ZC3H3: variants seen among roughly 807,000 people sequenced by gnomAD.
ZC3H3 encodes the protein zinc finger CCCH domain-containing protein 3.
ZC3H3 carries 36 observed loss-of-function variants against 77.3 expected under a neutral mutation model. The ratio of observed to expected loss-of-function variants is 0.47; its 90% confidence interval spans 0.36 to 0.61. The LOEUF is 0.61. Ranked by LOEUF, ZC3H3 falls within the 20% of genes least tolerant of loss-of-function variation. ZC3H3 has a pLI of 0.00. For synonymous variants in ZC3H3, 626 were observed against 555.2 expected (o/e 1.13, Z -1.79); for missense variants, 1,331 against 1,312.2 (o/e 1.01, Z -0.22).
intron 3 of ZC3H3, among the ~76,000 whole-genome samples, chr8:143,535,015 G>A (rs1822748401): frequency 6.6e-6 from 1 of 151,890 alleles, no homozygotes; most frequent in South Asian, 2.1e-4. Flanking sequence ...AGAGCCGTCT[G>A]AAGCCTCCCT....
chr8:143,506,908 G>T (rs1039538399), intron 4 of ZC3H3, among the ~76,000 whole-genome samples: 3 of 152,154 alleles, frequency 2.0e-5, no homozygotes, highest in African/African-American at 7.2e-5. Context: ...CGTGCCCTGG[G>T]CCGTGGCTGC....
chr8:143,536,558 A>G (rs1822806666), intron 2 of ZC3H3, 105 bp from the exon 3 acceptor site: 1 of 1,235,026 alleles, frequency 8.1e-7, no homozygotes, highest in Non-Finnish European at 1.1e-6. Context: ...CCTGAAGGCC[A>G]GGACCAGGCC....
In ZC3H3 at chr8:143,538,528, C is replaced by A. The variant is rs1286315976; in HGVS notation, c.839G>T (p.Gly280Val). 6.2e-7 allele frequency: 1 copy of A among 1,612,128 alleles called. No homozygotes were observed. The highest frequency in any genetic ancestry group is 1.7e-5 in the Admixed American group (1 of 60,012). The change falls in exon 2 of 12, where the codon GGG (glycine) becomes GTG (valine). Residue 280 changes from glycine (G) to valine (V), a missense_variant. Physicochemically the swap from Gly to Val is moderately radical, Grantham distance 109. Around this residue, in one of 3 missense-constraint regions of ZC3H3, gnomAD observed 978 missense variants for 915.5 expected, o/e 1.07. Coordinates refer to ENST00000262577, the MANE Select transcript of ZC3H3 (RefSeq NM_015117.3). ...TDQPVPSGSV[G>V]GPARPASGPR... is the part of the protein sequence containing the mutation. ...TCCTGAGGCCGGTCTGGCGGGGCCC[C>A]CCACTGAGCCAGACGGAACTGGCTG...
At chr8:143,442,959 C>T (rs1175497231) in intron 9 of ZC3H3, among the ~76,000 whole-genome samples, 1 of 152,146 alleles carries the variant, frequency 6.6e-6, no homozygotes, top group Non-Finnish European at 1.5e-5. Flanking sequence ...CAGAACACAA[C>T]CAAATCCCGA....
At position 143,507,735 on chromosome 8, in the gene ZC3H3, A is replaced by T. The variant is rs780710830; in HGVS notation, c.1715+11T>A. ...CCCAGGCCTGCAGGAGCCTGCAGGA[A>T]GCCTTCCTACCTGGATAGTGAGAGC... On this transcript the variant is annotated intron_variant, in intron 4 of 11. Coordinates refer to ENST00000262577, the MANE Select transcript of ZC3H3 (RefSeq NM_015117.3). 6.4e-7 allele frequency: 1 copy of T among 1,552,008 alleles called. No homozygotes were observed. Among genetic ancestry groups the T allele is most frequent in the Non-Finnish European group, 8.7e-7 (1 of 1,149,462 alleles).
At chr8:143,508,950 A>C (rs917263918) in intron 3 of ZC3H3, among the ~76,000 whole-genome samples, 1 of 152,026 alleles carries the variant, frequency 6.6e-6, no homozygotes, top group African/African-American at 2.4e-5. Context: ...AGAGCCCTAA[A>C]CGCAACGGAC....
chr8:143,517,968 G>C (rs1453677959), intron 3 of ZC3H3, among the ~76,000 whole-genome samples: 3 of 152,212 alleles, frequency 2.0e-5, no homozygotes, highest in African/African-American at 4.8e-5. Flanking sequence ...CTCTGAGTGA[G>C]GCACGGCCAA....
intron 4 of ZC3H3, among the ~76,000 whole-genome samples, chr8:143,499,440 C>T (rs1821458951): frequency 1.3e-5 from 2 of 152,280 alleles, no homozygotes; most frequent in Admixed American, 6.5e-5. Context: ...CCCCTCTGTC[C>T]TGAGTGGGCA....
intron 9 of ZC3H3, among the ~76,000 whole-genome samples, 195 bp from the exon 10 acceptor site, chr8:143,441,315 C>A (rs893968587): frequency 6.6e-6 from 1 of 152,204 alleles, no homozygotes; most frequent in Non-Finnish European, 1.5e-5. Flanking sequence ...GGCCCTCACC[C>A]ACCCACAAGA....
chr8:143,527,946 C>A (rs888076609), intron 3 of ZC3H3, among the ~76,000 whole-genome samples: 1 of 152,260 alleles, frequency 6.6e-6, no homozygotes, highest in African/African-American at 2.4e-5. Flanking sequence ...CCAGGCCACG[C>A]CCACACCACG....
At chr8:143,540,387 C>T (rs926102123) in intron 1 of ZC3H3, among the ~76,000 whole-genome samples, 1 of 152,136 alleles carries the variant, frequency 6.6e-6, no homozygotes, top group African/African-American at 2.4e-5. Context: ...CCACCACGCC[C>T]ATCTCACTTT....
chr8:143,440,377 A>T lies in ZC3H3; in HGVS notation c.2493-14T>A, dbSNP rs868123841. 2 of 1,516,904 alleles carry T rather than the reference A, an allele frequency of 1.3e-6. No homozygotes were observed. Among genetic ancestry groups the T allele is most frequent in the Non-Finnish European group, 8.8e-7 (1 of 1,132,016 alleles). The allele number at this position is 1,516,904 out of a possible 1,614,324, so 94.0% of individuals were successfully genotyped here. A position where few individuals can be genotyped will look rare whatever the true frequency, so the allele number is the denominator to read the frequency against. On this transcript the variant is annotated splice_polypyrimidine_tract_variant and intron_variant, in intron 10 of 11. Coordinates refer to ENST00000262577, the MANE Select transcript of ZC3H3 (RefSeq NM_015117.3). ...GCTGAAGGCTTCCTGCAGGGAAGGA[A>T]GGGGCAGACGTGTGAGGTGGGGTGA...
chr8:143,525,756 C>G (rs73373281), intron 3 of ZC3H3, among the ~76,000 whole-genome samples: 1 of 152,248 alleles, frequency 6.6e-6, no homozygotes, highest in Non-Finnish European at 1.5e-5. Flanking sequence ...TCAGCACCCA[C>G]GCAGTGACCA....
intron 11 of ZC3H3, among the ~76,000 whole-genome samples, chr8:143,439,710 G>A (rs535585391): frequency 6.6e-6 from 1 of 152,342 alleles, no homozygotes; most frequent in Non-Finnish European, 1.5e-5. Context: ...GGGCTGGCAG[G>A]TGCACCCCTG....
chr8:143,508,003 A>C (rs1821759909), intron 3 of ZC3H3, 104 bp from the exon 4 acceptor site: 2 of 1,326,464 alleles, frequency 1.5e-6, no homozygotes. Context: ...CCTCCGCCGG[A>C]GCTTGAAGAC....
At chr8:143,482,286 C>G (rs1820927624) in intron 4 of ZC3H3, among the ~76,000 whole-genome samples, 1 of 152,256 alleles carries the variant, frequency 6.6e-6, no homozygotes, top group Admixed American at 6.5e-5. Context: ...GATGTCACAG[C>G]ACTGGGGAGG....
chr8:143,534,298 G>A (rs200748839), intron 3 of ZC3H3, among the ~76,000 whole-genome samples: 4 of 127,448 alleles, frequency 3.1e-5, no homozygotes, highest in East Asian at 2.5e-4. Flanking sequence ...AAAAAAAAAC[G>A]ACGAGATCAA....
chr8:143,465,601 G>T, intron 9 of ZC3H3, 116 bp downstream of exon 9: 1 of 1,488,176 alleles, frequency 6.7e-7, no homozygotes, highest in Non-Finnish European at 9.1e-7. Context: ...TGATGGCACT[G>T]ACCACCTCAG....
intron 9 of ZC3H3, among the ~76,000 whole-genome samples, chr8:143,450,202 G>A (rs1586876440): frequency 6.6e-6 from 1 of 152,092 alleles, no homozygotes; most frequent in African/African-American, 2.4e-5. Flanking sequence ...TCTTTATTGA[G>A]ACGGTGTCTT....
Sources: gnomAD v4.1 joint callset for allele counts (sites outside exome capture counted in the v4.1 genomes callset) on GRCh38, gnomAD v4.1.1 for gene constraint, gnomAD v4.1.1 regional missense constraint, MANE v1.5 for transcripts, NCBI Gene and HGNC (gene_info 2026-07-23, HGNC 2026-07-21) for gene names.